The following SGCZ variants were observed in gnomAD, a reference collection of about 807,000 sequenced individuals.
The protein encoded by SGCZ is sarcoglycan zeta.
SGCZ carries 40 observed loss-of-function variants against 41.3 expected under a neutral mutation model. The observed-to-expected ratio is 0.97, with a 90% CI of 0.75 to 1.26. The LOEUF (loss-of-function observed/expected upper bound fraction) is 1.26. SGCZ is among the 50% of genes most tolerant of loss of function. SGCZ has a pLI of 0.00. For synonymous variants in SGCZ, 206 were observed against 137.5 expected, an observed-to-expected ratio of 1.50 and a Z score of -3.49; for missense variants, 552 against 369.8, an observed-to-expected ratio of 1.49 and a Z score of -4.04.
At position 14,999,518 on chromosome 8, in the gene SGCZ, G is replaced by C. The variant is rs370603036; in HGVS notation, c.39+238067C>G. On this transcript the variant is annotated intron_variant, in intron 1 of 7. Transcript: ENST00000382080. ...TAACCAAAAGACAATGGCACATACA[G>C]AGGATGCTGCAATACTTATTAGGGT... 5.3e-5 allele frequency among the ~76,000 whole-genome samples: 8 copies of C among 152,288 alleles called. No homozygotes were observed. The East Asian group carries it at 1.4e-3, about 26-fold the overall frequency.
At chr8:14,139,811 G>T (rs1267298218) in intron 5 of SGCZ, among the ~76,000 whole-genome samples, 2 of 152,138 alleles carry the variant, frequency 1.3e-5, no homozygotes, top group Non-Finnish European at 2.9e-5. Context: ...TAGAAAAAGA[G>T]GGAATCCTCC....
chr8:15,209,258 A>T (rs1801165126), intron 1 of SGCZ, among the ~76,000 whole-genome samples: 1 of 152,076 alleles, frequency 6.6e-6, no homozygotes, highest in Non-Finnish European at 1.5e-5. Flanking sequence ...CTTGTTTGTA[A>T]AACTTTGAAC....
intron 1 of SGCZ, among the ~76,000 whole-genome samples, chr8:15,201,709 A>C (rs1800895419): frequency 6.6e-6 from 1 of 152,158 alleles, no homozygotes; most frequent in South Asian, 2.1e-4. Flanking sequence ...CACAACTGGA[A>C]AGAAGCACAC....
intron 1 of SGCZ, among the ~76,000 whole-genome samples, chr8:14,896,847 C>T (rs544212226): frequency 3.3e-5 from 5 of 151,628 alleles, no homozygotes; most frequent in African/African-American, 1.2e-4. Context: ...GTGGTGTGAA[C>T]TCGGCTCACT....
In SGCZ at chr8:14,157,359, TGTGTGA is replaced by T. The variant is rs1312978836; in HGVS notation, c.547+7215_547+7220del. 7.6e-4 allele frequency among the ~76,000 whole-genome samples: 98 copies of T among 129,130 alleles called. 1 individual carries two copies. The highest frequency in any genetic ancestry group is 1.6e-3 in the African/African-American group (57 of 35,822). The allele number at this position is 129,130 out of a possible 152,430, so 84.7% of individuals were successfully genotyped here. The stretch of plus-strand genomic sequence containing the variant: ...CTCTGTGTGTGTGTGTGTGTGTGTG[TGTGTGA>T]GTGTGTGTGTGTGTGTGTGTGTGTG... On this transcript the variant is annotated intron_variant, in intron 5 of 7. Transcript: ENST00000382080.
chr8:14,294,741 T>C lies in SGCZ; in HGVS notation c.336+29362A>G, dbSNP rs182106581. ...CAATAATAAAGCAAAAGCCCAATTT[T>C]AATAAATGAGAAAAATATTCCAACA... On this transcript the variant is annotated intron_variant, in intron 3 of 7. Coordinates refer to ENST00000382080, the MANE Select transcript of SGCZ (RefSeq NM_139167.4). 1.1e-4 allele frequency among the ~76,000 whole-genome samples: 17 copies of C among 152,206 alleles called. No individual in the cohort carries two copies. In the East Asian group the frequency reaches 2.9e-3, roughly 26 times the overall value.
chr8:14,989,216 A>C (rs901699143), intron 1 of SGCZ, among the ~76,000 whole-genome samples: 2 of 152,196 alleles, frequency 1.3e-5, no homozygotes, highest in African/African-American at 4.8e-5. Flanking sequence ...CACATATTCA[A>C]AATGGTGTCT....
At chr8:14,931,960 C>T (rs1378163808) in intron 1 of SGCZ, among the ~76,000 whole-genome samples, 1 of 151,808 alleles carries the variant, frequency 6.6e-6, no homozygotes, top group South Asian at 2.1e-4. Flanking sequence ...GGAGACAGCT[C>T]GCATAATGTT....
chr8:14,306,751 GTCC>G (rs2116986334), intron 3 of SGCZ, among the ~76,000 whole-genome samples: 1 of 152,228 alleles, frequency 6.6e-6, no homozygotes, highest in Admixed American at 6.5e-5. Context: ...AATTTCTGTT[GTCC>G]TCCTCCCTGA....
At chr8:14,463,463 C>A (rs1489799385) in intron 2 of SGCZ, among the ~76,000 whole-genome samples, 1 of 147,704 alleles carries the variant, frequency 6.8e-6, no homozygotes, top group African/African-American at 2.5e-5. Flanking sequence ...TGAACCCTTA[C>A]TTAATACCAT....
intron 2 of SGCZ, among the ~76,000 whole-genome samples, chr8:14,374,561 G>A (rs1229930212): frequency 4.3e-5 from 6 of 139,168 alleles, no homozygotes; most frequent in Non-Finnish European, 6.2e-5. Context: ...AAGTATAAAA[G>A]AGTCATTTGG....
intron 1 of SGCZ, among the ~76,000 whole-genome samples, chr8:14,638,693 C>A (rs1057015122): frequency 2.0e-5 from 3 of 151,776 alleles, no homozygotes; most frequent in Non-Finnish European, 4.4e-5. Flanking sequence ...GTTTTCTCCC[C>A]TGACAGATAT....
At chr8:14,250,644 T>A (rs900542977) in intron 3 of SGCZ, among the ~76,000 whole-genome samples, 5 of 152,276 alleles carry the variant, frequency 3.3e-5, no homozygotes, top group Non-Finnish European at 5.9e-5. Flanking sequence ...TACCACTGGA[T>A]TGTGTAGTGA....
At chr8:14,629,341 G>T (rs553589720) in intron 1 of SGCZ, among the ~76,000 whole-genome samples, 1 of 140,676 alleles carries the variant, frequency 7.1e-6, no homozygotes, top group Non-Finnish European at 1.6e-5. Context: ...TGACTAGTAG[G>T]TAAGATTAAT....
chr8:14,251,375 C>T (rs563353126), intron 3 of SGCZ, among the ~76,000 whole-genome samples: 1 of 152,156 alleles, frequency 6.6e-6, no homozygotes, highest in African/African-American at 2.4e-5. Context: ...AAGAGACAGA[C>T]AGAAAATCAG....
chr8:14,160,156 C>G (rs1329209626), intron 5 of SGCZ, among the ~76,000 whole-genome samples: 1 of 152,124 alleles, frequency 6.6e-6, no homozygotes, highest in East Asian at 1.9e-4. Context: ...AACTGCTGTC[C>G]TCTTTTACAT....
intron 1 of SGCZ, among the ~76,000 whole-genome samples, chr8:14,822,470 A>G (rs1010469775): frequency 2.6e-5 from 4 of 152,220 alleles, no homozygotes; most frequent in Admixed American, 6.5e-5. Flanking sequence ...CATTATTCAC[A>G]GAAACAAAAA....
intron 3 of SGCZ, among the ~76,000 whole-genome samples, chr8:14,244,523 G>A (rs1045710336): frequency 1.3e-5 from 2 of 152,126 alleles, no homozygotes; most frequent in Admixed American, 6.6e-5. Context: ...AAGTCAGGTA[G>A]CATGATGCCT....
intron 2 of SGCZ, among the ~76,000 whole-genome samples, chr8:14,515,810 T>C (rs974950385): frequency 5.9e-5 from 9 of 152,118 alleles, no homozygotes; most frequent in Non-Finnish European, 8.8e-5. Context: ...ACATCATTTA[T>C]TGCATAAAGT....
Sources: gnomAD v4.1 joint callset for allele counts (sites outside exome capture counted in the v4.1 genomes callset) on GRCh38, gnomAD v4.1.1 for gene constraint, MANE v1.5 for transcripts, NCBI Gene and HGNC (gene_info 2026-07-23, HGNC 2026-07-21) for gene names.